CNIH3: variants seen among roughly 807,000 people sequenced by gnomAD.
CNIH3 encodes the protein cornichon family AMPA receptor auxiliary protein 3.
A neutral mutation model predicts 24.1 loss-of-function variants in CNIH3; 14 were observed. That is an observed-to-expected ratio of 0.58 (90% CI 0.38 to 0.91). The LOEUF (loss-of-function observed/expected upper bound fraction) is 0.91, where lower values mean the gene tolerates loss of function less well. Among genes scored for constraint, CNIH3 ranks in the 40% least tolerant of loss-of-function variants. CNIH3 has a pLI of 0.00. For synonymous variants in CNIH3, 68 were observed against 73.8 expected, an observed-to-expected ratio of 0.92 and a Z score of 0.40; for missense variants, 178 against 196.8, an observed-to-expected ratio of 0.90 and a Z score of 0.57.
intron 3 of CNIH3, among the ~76,000 whole-genome samples, chr1:224,701,156 T>C (rs575663910): frequency 6.7e-6 from 1 of 149,578 alleles, no homozygotes; most frequent in South Asian, 2.2e-4. Context: ...CACTAGGGGG[T>C]GTCACACTGC....
intron 2 of CNIH3, among the ~76,000 whole-genome samples, chr1:224,527,970 G>A (rs1238142798): frequency 6.6e-6 from 1 of 152,130 alleles, no homozygotes; most frequent in East Asian, 1.9e-4. Context: ...AGAGTTCAAG[G>A]AAAATCCTGG....
At chr1:224,519,317 G>C (rs867596513) in intron 1 of CNIH3, among the ~76,000 whole-genome samples, 7 of 152,160 alleles carry the variant, frequency 4.6e-5, no homozygotes, top group African/African-American at 1.7e-4. Context: ...GACTGCTTGA[G>C]CTGGGGCATC....
chr1:224,563,899 G>A (rs1295199278), intron 3 of CNIH3, among the ~76,000 whole-genome samples: 1 of 152,172 alleles, frequency 6.6e-6, no homozygotes, highest in East Asian at 1.9e-4. Context: ...CAGCCATCTG[G>A]TCCCTCCAGA....
intron 1 of CNIH3, among the ~76,000 whole-genome samples, chr1:224,448,390 A>G (rs1414221564): frequency 6.6e-6 from 1 of 152,212 alleles, no homozygotes; most frequent in Non-Finnish European, 1.5e-5. Context: ...ACTTTGGAAG[A>G]GGCTGGGGTT....
At chr1:224,706,051 G>C (rs1397184257) in intron 3 of CNIH3, among the ~76,000 whole-genome samples, 1 of 151,952 alleles carries the variant, frequency 6.6e-6, no homozygotes, top group Non-Finnish European at 1.5e-5. Flanking sequence ...AGCTAGACCA[G>C]GAGCTGCCAG....
At chr1:224,729,120 G>A (rs755562865) in intron 3 of CNIH3, among the ~76,000 whole-genome samples, 2 of 152,060 alleles carry the variant, frequency 1.3e-5, no homozygotes, top group Non-Finnish European at 2.9e-5. Flanking sequence ...AATAGAAAGT[G>A]TCATTTGAGG....
intron 1 of CNIH3, among the ~76,000 whole-genome samples, chr1:224,624,655 G>T (rs1464055461): frequency 6.6e-6 from 1 of 152,028 alleles, no homozygotes; most frequent in Non-Finnish European, 1.5e-5. Flanking sequence ...TGGCCTCCTT[G>T]GTTATCATCT....
intron 3 of CNIH3, among the ~76,000 whole-genome samples, chr1:224,718,204 C>T (rs140777594): frequency 1.5e-4 from 23 of 152,062 alleles, no homozygotes; most frequent in Non-Finnish European, 2.8e-4. Flanking sequence ...AGGAGGGAGA[C>T]GATACTAGAT....
intron 1 of CNIH3, among the ~76,000 whole-genome samples, chr1:224,628,876 C>T (rs1294238080): frequency 6.6e-6 from 1 of 152,110 alleles, no homozygotes; most frequent in African/African-American, 2.4e-5. Context: ...AGTCTGTTCT[C>T]TCTGAAGCCT....
At chr1:224,471,557 G>A (rs1676370495) in intron 1 of CNIH3, among the ~76,000 whole-genome samples, 1 of 150,350 alleles carries the variant, frequency 6.7e-6, no homozygotes, top group Non-Finnish European at 1.5e-5. Context: ...CTCCAGTTCT[G>A]TTCATGTTGT....
At chr1:224,603,177 T>G (rs1682278339) in intron 3 of CNIH3, among the ~76,000 whole-genome samples, 1 of 150,600 alleles carries the variant, frequency 6.6e-6, no homozygotes, top group Admixed American at 6.6e-5. Context: ...TATTTGTCTT[T>G]GCATTCAGTA....
rs972633597 is a variant in CNIH3, at chr1:224,626,690, C to T, written c.81+9435C>T. Reference sequence around the variant, plus strand: ...ACTGCCTGTAGGATAACGTCCAAACCGCTCAATTTGGGGTTGGAAGCCTAT... The same window carrying T: ...ACTGCCTGTAGGATAACGTCCAAACTGCTCAATTTGGGGTTGGAAGCCTAT... On this transcript the variant is annotated intron_variant, in intron 1 of 5. Transcript: ENST00000272133. Among the ~76,000 whole-genome samples the T allele has an allele frequency of 5.9e-5, 9 of 152,084 alleles. No homozygotes were observed. The South Asian group carries it at 8.3e-4, about 14-fold the overall frequency.
intron 1 of CNIH3, among the ~76,000 whole-genome samples, chr1:224,662,597 C>T (rs778010505): frequency 1.3e-5 from 2 of 152,058 alleles, no homozygotes; most frequent in Non-Finnish European, 2.9e-5. Context: ...TTAATCTTAC[C>T]AATAATTTTA....
At chr1:224,505,787 T>A (rs1677883692) in intron 1 of CNIH3, among the ~76,000 whole-genome samples, 1 of 152,214 alleles carries the variant, frequency 6.6e-6, no homozygotes, top group African/African-American at 2.4e-5. Context: ...TTATTTACTG[T>A]TTATACCAAC....
chr1:224,437,121 G>T (rs1487690333), intron 1 of CNIH3: 2 of 152,212 alleles, frequency 1.3e-5, no homozygotes, highest in Admixed American at 6.5e-5. Flanking sequence ...CCTTCTTCAG[G>T]TCATCAGAGA....
At chr1:224,517,616 A>C (rs1323797758) in intron 1 of CNIH3, among the ~76,000 whole-genome samples, 1 of 151,938 alleles carries the variant, frequency 6.6e-6, no homozygotes, top group African/African-American at 2.4e-5. Flanking sequence ...GTAGTCTTTT[A>C]TCCCTCACCC....
chr1:224,475,475 G>C (rs545989095), intron 1 of CNIH3, among the ~76,000 whole-genome samples: 9 of 152,144 alleles, frequency 5.9e-5, no homozygotes, highest in African/African-American at 2.2e-4. Context: ...TAATAAATTG[G>C]AAAGTCTAGA....
At chr1:224,446,263 G>T (rs1572255496) in intron 1 of CNIH3, among the ~76,000 whole-genome samples, 2 of 108,276 alleles carry the variant, frequency 1.8e-5, no homozygotes, top group Admixed American at 1.0e-4. Flanking sequence ...TGGGCCCTTT[G>T]CATTTCATAT....
At chr1:224,572,198 C>T (rs764584055) in intron 4 of CNIH3, among the ~76,000 whole-genome samples, 4 of 152,102 alleles carry the variant, frequency 2.6e-5, no homozygotes, top group Non-Finnish European at 4.4e-5. Context: ...ATATTTAAAA[C>T]GGATGCCAAG....
Sources: gnomAD v4.1 joint callset for allele counts (sites outside exome capture counted in the v4.1 genomes callset) on GRCh38, gnomAD v4.1.1 for gene constraint, MANE v1.5 for transcripts, NCBI Gene and HGNC (gene_info 2026-07-23, HGNC 2026-07-21) for gene names.